OR2L13: variants seen among roughly 807,000 people sequenced by gnomAD.
OR2L13 encodes the protein olfactory receptor family 2 subfamily L member 13, also known as olfactory receptor 2L13.
OR2L13 carries 14 observed loss-of-function variants against 15.3 expected under a neutral mutation model. The observed-to-expected ratio is 0.91, with a 90% CI of 0.60 to 1.43. The LOEUF (loss-of-function observed/expected upper bound fraction) is 1.43. Ranked by LOEUF, OR2L13 falls within the 40% of genes most tolerant of loss-of-function variation. The pLI, the probability that OR2L13 is intolerant of heterozygous loss-of-function variation, is 0.00. For synonymous variants in OR2L13, 152 were observed against 142.9 expected, an observed-to-expected ratio of 1.06 and a Z score of -0.45; for missense variants, 367 against 387.9, an observed-to-expected ratio of 0.95 and a Z score of 0.45.
At chr1:248,003,311 C>G in the OR2L13 span, 2 of 1,587,154 alleles carry the variant, frequency 1.3e-6, no homozygotes, top group African/African-American at 1.3e-5. Context: ...CATGTGTTTC[C>G]TACTTAGTCA....
the OR2L13 span, among the ~76,000 whole-genome samples, chr1:248,058,715 T>C: frequency 6.6e-6 from 1 of 152,040 alleles, no homozygotes; most frequent in East Asian, 1.9e-4. Context: ...ATATGATGGT[T>C]AATATATTTC....
chr1:248,073,460 A>C, the OR2L13 span, among the ~76,000 whole-genome samples: 1 of 149,606 alleles, frequency 6.7e-6, no homozygotes, highest in Admixed American at 6.7e-5. Flanking sequence ...GGAACATCAC[A>C]CTCTGAGGAC....
chr1:247,980,436 A>G, the OR2L13 span, among the ~76,000 whole-genome samples: 2 of 152,242 alleles, frequency 1.3e-5, no homozygotes, highest in African/African-American at 4.8e-5. Context: ...ATTAATATAT[A>G]CAGAGATATC....
At chr1:248,072,834 T>C in the OR2L13 span, among the ~76,000 whole-genome samples, 1 of 151,332 alleles carries the variant, frequency 6.6e-6, no homozygotes. Context: ...CAGACATTTC[T>C]CAAAAGAAGA....
At chr1:248,080,411 A>G in the OR2L13 span, among the ~76,000 whole-genome samples, 5 of 152,052 alleles carry the variant, frequency 3.3e-5, no homozygotes, top group African/African-American at 1.2e-4. Context: ...TATTTCTCCT[A>G]ATGCTATCCC....
the OR2L13 span, chr1:248,003,686 C>T: frequency 6.2e-7 from 1 of 1,612,746 alleles, no homozygotes; most frequent in East Asian, 2.2e-5. Context: ...AATGGTGACT[C>T]TGGCCTGCAT....
the OR2L13 span, among the ~76,000 whole-genome samples, chr1:248,064,439 A>C: frequency 2.8e-3 from 433 of 152,310 alleles, 7 homozygotes; most frequent in African/African-American, 9.8e-3. Context: ...CAGCTTCCAC[A>C]ACTCTGAGAA....
At chr1:248,006,939 T>A in the OR2L13 span, among the ~76,000 whole-genome samples, 708 of 152,320 alleles carry the variant, frequency 4.6e-3, 6 homozygotes, top group African/African-American at 0.016. Context: ...GGTTACCCCA[T>A]TTAAGATACA....
chr1:247,989,946 A>C, the OR2L13 span, among the ~76,000 whole-genome samples: 1 of 152,208 alleles, frequency 6.6e-6, no homozygotes, highest in African/African-American at 2.4e-5. Flanking sequence ...TTATCATCAG[A>C]AGAAAAATAA....
chr1:248,096,056 A>T (rs141814773), upstream of OR2L13, among the ~76,000 whole-genome samples: 547 of 152,216 alleles, frequency 3.6e-3, 5 homozygotes, highest in African/African-American at 0.012. Flanking sequence ...TCTCTGCTGC[A>T]CAGGGAATAG....
chr1:247,960,955 C>G, the OR2L13 span, among the ~76,000 whole-genome samples: 1 of 152,298 alleles, frequency 6.6e-6, no homozygotes, highest in East Asian at 1.9e-4. Context: ...CCTGTACCCA[C>G]TGTCCGACAA....
At chr1:247,978,197 A>G in the OR2L13 span, among the ~76,000 whole-genome samples, 2 of 152,154 alleles carry the variant, frequency 1.3e-5, no homozygotes, top group African/African-American at 4.8e-5. Context: ...GAGGGTCCCA[A>G]GTCAGTGAGA....
At chr1:248,037,944 G>A in the OR2L13 span, among the ~76,000 whole-genome samples, 1 of 152,052 alleles carries the variant, frequency 6.6e-6, no homozygotes, top group South Asian at 2.1e-4. Context: ...GTCATCACAA[G>A]AAAAATGAGC....
the OR2L13 span, chr1:248,003,029 C>T: frequency 1.4e-6 from 1 of 693,592 alleles, no homozygotes; most frequent in Non-Finnish European, 2.6e-6. Context: ...AATTTCAGAA[C>T]TTGTTATTGG....
chr1:248,091,910 C>A (rs945166195), upstream of OR2L13, among the ~76,000 whole-genome samples: 3 of 152,140 alleles, frequency 2.0e-5, no homozygotes, highest in African/African-American at 7.2e-5. Context: ...AATATTGATT[C>A]TTCCTATCCA....
the OR2L13 span, chr1:247,990,174 CG>C: frequency 1.8e-6 from 1 of 552,676 alleles, no homozygotes; most frequent in Non-Finnish European, 3.3e-6. Context: ...CATTCACTGG[CG>C]GGCTTGAAAT....
the OR2L13 span, among the ~76,000 whole-genome samples, chr1:247,948,188 G>C: frequency 6.6e-6 from 1 of 151,972 alleles, no homozygotes; most frequent in Non-Finnish European, 1.5e-5. Flanking sequence ...ACTCCAGCCT[G>C]GGTAACAGAG....
chr1:248,050,056 C>T, the OR2L13 span, among the ~76,000 whole-genome samples: 3 of 152,052 alleles, frequency 2.0e-5, no homozygotes, highest in African/African-American at 4.8e-5. Flanking sequence ...AATCACGGAA[C>T]GAATCCTGTG....
At chr1:247,988,708 G>A in the OR2L13 span, among the ~76,000 whole-genome samples, 54 of 152,160 alleles carry the variant, frequency 3.5e-4, no homozygotes, top group Non-Finnish European at 7.1e-4. Flanking sequence ...TCAGTGCAAA[G>A]TCGTCCACTG....
Sources: gnomAD v4.1 joint callset for allele counts (sites outside exome capture counted in the v4.1 genomes callset) on GRCh38, gnomAD v4.1.1 for gene constraint, MANE v1.5 for transcripts, NCBI Gene and HGNC (gene_info 2026-07-23, HGNC 2026-07-21) for gene names.